PMF1: variants seen among roughly 807,000 people sequenced by gnomAD.
PMF1 encodes polyamine-modulated factor 1.
In PMF1, 21 loss-of-function variants were observed where a neutral mutation model predicts 26.7. That is an observed-to-expected ratio of 0.79 (90% CI 0.56 to 1.13). The LOEUF (loss-of-function observed/expected upper bound fraction) is 1.13, where lower values mean the gene tolerates loss of function less well. PMF1 is among the 50% of genes most tolerant of loss of function. PMF1 has a pLI of 0.00. For missense variants in PMF1, 266 were observed against 254.9 expected (o/e 1.04, Z -0.30); for synonymous variants, 105 against 101.0 (o/e 1.04, Z -0.24).
Position 156,213,083 on chromosome 1 carries a change from C to G in PMF1, c.68C>G (p.Ser23Trp). Residue 23 changes from serine to tryptophan, a missense_variant, in exon 1 of 5, where the codon TCG becomes TGG. Ser to Trp is a radical substitution (Grantham distance 177). Transcript: ENST00000368277. ...GAAAAAAGGCATGAGGGGTCGTCTT[C>G]GGAATCTGTGCCACCCGGCACTACC... ...CEEKRHEGSS[S>W]ESVPPGTTIS... The G allele has an allele frequency of 6.2e-7, 1 of 1,614,232 alleles. No individual in the cohort carries two copies. Among genetic ancestry groups the G allele is most frequent in the Non-Finnish European group, 8.5e-7 (1 of 1,180,018 alleles).
chr1:156,238,439 A>G (rs10908491), intron 4 of PMF1, among the ~76,000 whole-genome samples: 76,536 of 152,106 alleles, frequency 0.5, 19,409 homozygotes, highest in Admixed American at 0.6. Flanking sequence ...GATCAAGCTG[A>G]ATGACACAGT....
At position 156,233,608 on chromosome 1, in the gene PMF1, CT is replaced by C; in HGVS notation, c.268-17del. 1.2e-6 allele frequency: 2 copies of C among 1,611,652 alleles called. No homozygotes were observed. On this transcript the variant is annotated intron_variant, in intron 2 of 4. Transcript: ENST00000368277. ...GAGCTCATCTCGTGTCATTACAGCT[CT>C]TTCCTCCTTTCTCTTCAGGAGGAAA...
intron 1 of PMF1, among the ~76,000 whole-genome samples, chr1:156,227,934 A>ATT (rs35566648): frequency 3.3e-5 from 4 of 119,868 alleles, no homozygotes; most frequent in African/African-American, 6.3e-5. Flanking sequence ...CCTGACTATG[A>ATT]TTTTTTTTTT....
intron 1 of PMF1, among the ~76,000 whole-genome samples, chr1:156,217,869 C>T (rs1657863309): frequency 6.6e-6 from 1 of 152,200 alleles, no homozygotes; most frequent in Admixed American, 6.5e-5. Flanking sequence ...ATAAATTATT[C>T]CAGGGTGAAT....
intron 4 of PMF1, among the ~76,000 whole-genome samples, chr1:156,237,594 G>A (rs941458157): frequency 6.6e-6 from 1 of 151,644 alleles, no homozygotes; most frequent in African/African-American, 2.4e-5. Flanking sequence ...TTCCAGGCAT[G>A]AGCTGCCACA....
intron 1 of PMF1, among the ~76,000 whole-genome samples, chr1:156,218,445 C>T (rs938093224): frequency 1.3e-5 from 2 of 152,132 alleles, no homozygotes; most frequent in African/African-American, 4.8e-5. Context: ...CTCCTGACTC[C>T]TTTTCTCAGC....
intron 3 of PMF1, among the ~76,000 whole-genome samples, chr1:156,234,192 C>G (rs1398731852): frequency 6.6e-6 from 1 of 152,214 alleles, no homozygotes; most frequent in Non-Finnish European, 1.5e-5. Flanking sequence ...AGACACCAAA[C>G]AGTAAGCGAA....
chr1:156,213,675 G>A (rs1300824636), intron 1 of PMF1, among the ~76,000 whole-genome samples: 1 of 151,980 alleles, frequency 6.6e-6, no homozygotes, highest in East Asian at 1.9e-4. Flanking sequence ...TGAGCAAGAC[G>A]TAAGCCCCCT....
chr1:156,225,045 G>A (rs1263205599), intron 1 of PMF1, among the ~76,000 whole-genome samples: 2 of 151,716 alleles, frequency 1.3e-5, no homozygotes, highest in African/African-American at 4.8e-5. Flanking sequence ...GATTACAGGC[G>A]CCTGCCACTG....
At chr1:156,223,892 C>T (rs571116951) in intron 1 of PMF1, 14 of 152,306 alleles carry the variant, frequency 9.2e-5, no homozygotes, top group African/African-American at 2.6e-4. Flanking sequence ...TGTACTGTTT[C>T]GTCTTTGGGT....
Position 156,213,141 on chromosome 1 carries a change from G to A in PMF1, c.126G>A (p.Val42=), listed in dbSNP as rs1360904789. The A allele has an allele frequency of 6.2e-7, 1 of 1,614,168 alleles. No individual in the cohort carries two copies. The highest frequency in any genetic ancestry group is 2.2e-5 in the East Asian group (1 of 44,890). Residue 42 remains valine (V), a synonymous_variant, in exon 1 of 5, where the codon GTG becomes GTA. Transcript: ENST00000368277. ...ISRVKLLDTM[V]DTFLQKLVAA... ...GGGTGAAGCTCCTCGACACCATGGTGGACACTTTTCTTCAGAAGCTGGTCG... is the reference window on the plus strand; with the variant it reads ...GGGTGAAGCTCCTCGACACCATGGTAGACACTTTTCTTCAGAAGCTGGTCG...
chr1:156,216,682 G>T (rs1397099420), intron 1 of PMF1, among the ~76,000 whole-genome samples: 1 of 151,718 alleles, frequency 6.6e-6, no homozygotes, highest in African/African-American at 2.4e-5. Flanking sequence ...CCCTGCCCCC[G>T]TGCGCTCTCC....
At chr1:156,233,847 CTTAAG>C in intron 3 of PMF1, 119 bp downstream of exon 3, 1 of 927,214 alleles carries the variant, frequency 1.1e-6, no homozygotes, top group South Asian at 1.7e-5. Context: ...AACTCCTGGC[CTTAAG>C]CTGTCCTCCC....
chr1:156,236,633 T>C (rs577290406), intron 4 of PMF1, 150 bp downstream of exon 4: 2 of 1,056,968 alleles, frequency 1.9e-6, no homozygotes, highest in South Asian at 1.7e-5. Context: ...TTACCTCTCC[T>C]TGGGCGTGTG....
chr1:156,220,509 C>A (rs1200196019), intron 1 of PMF1, among the ~76,000 whole-genome samples: 3 of 151,978 alleles, frequency 2.0e-5, no homozygotes, highest in Admixed American at 6.6e-5. Flanking sequence ...CCACTGCACC[C>A]AGCCTGTCTC....
At chr1:156,214,884 ATT>A (rs1307641968) in intron 1 of PMF1, among the ~76,000 whole-genome samples, 2 of 138,204 alleles carry the variant, frequency 1.4e-5, no homozygotes, top group Non-Finnish European at 1.5e-5. Flanking sequence ...TATTATTATT[ATT>A]TTTTTTTTTT....
At chr1:156,220,132 T>G (rs575992237) in intron 1 of PMF1, among the ~76,000 whole-genome samples, 1 of 151,984 alleles carries the variant, frequency 6.6e-6, no homozygotes, top group East Asian at 1.9e-4. Context: ...CCCGGCTAAT[T>G]TTTTTCTATT....
chr1:156,238,906 TC>T (rs1272130452), intron 4 of PMF1, among the ~76,000 whole-genome samples: 1 of 149,576 alleles, frequency 6.7e-6, no homozygotes, highest in Non-Finnish European at 1.5e-5. Flanking sequence ...CCTGGTGCCA[TC>T]TTGCAGGGCA....
At chr1:156,225,270 T>A (rs983301961) in intron 1 of PMF1, among the ~76,000 whole-genome samples, 2 of 137,590 alleles carry the variant, frequency 1.5e-5, no homozygotes, top group Non-Finnish European at 3.1e-5. Flanking sequence ...TTTCTGTCAC[T>A]CCAGTCCTCA....
Sources: gnomAD v4.1 joint callset for allele counts (sites outside exome capture counted in the v4.1 genomes callset) on GRCh38, gnomAD v4.1.1 for gene constraint, MANE v1.5 for transcripts, NCBI Gene and HGNC (gene_info 2026-07-23, HGNC 2026-07-21) for gene names.